OR51B5: variants seen among roughly 807,000 people sequenced by gnomAD.
The protein encoded by OR51B5 is olfactory receptor family 51 subfamily B member 5, also known as olfactory receptor 51B5.
For synonymous variants in OR51B5, 186 were observed against 144.8 expected, an observed-to-expected ratio of 1.28 and a Z score of -2.04; for missense variants, 456 against 374.6, an observed-to-expected ratio of 1.22 and a Z score of -1.79.
At chr11:5,451,545 G>T (rs1436609029) in intron 1 of OR51B5, among the ~76,000 whole-genome samples, 1 of 152,188 alleles carries the variant, frequency 6.6e-6, no homozygotes, top group Non-Finnish European at 1.5e-5. Context: ...GTACAACACG[G>T]AGGGACAGCC....
intron 1 of OR51B5, among the ~76,000 whole-genome samples, chr11:5,396,072 T>C (rs1270298605): frequency 1.3e-5 from 2 of 152,148 alleles, no homozygotes; most frequent in Non-Finnish European, 2.9e-5. Flanking sequence ...TGAAGAGCTA[T>C]TGAAGTTATG....
At chr11:5,496,551 C>T (rs61892116) in intron 1 of OR51B5, among the ~76,000 whole-genome samples, 15,644 of 152,180 alleles carry the variant, frequency 0.1, 846 homozygotes, top group Middle Eastern at 0.16. Flanking sequence ...AATCCCCTTC[C>T]TAAAGTCTAG....
chr11:5,440,831 C>T (rs377131100), intron 1 of OR51B5: 3 of 1,613,634 alleles, frequency 1.9e-6, no homozygotes, highest in South Asian at 2.2e-5. Flanking sequence ...ATATGATGAC[C>T]AGCATGGCTC....
chr11:5,414,301 A>G (rs1285303852), intron 1 of OR51B5, among the ~76,000 whole-genome samples: 1 of 149,508 alleles, frequency 6.7e-6, no homozygotes, highest in Non-Finnish European at 1.5e-5. Context: ...ATGGAAAGGA[A>G]CAACCGGTAC....
chr11:5,375,962 T>C (rs1371796491), intron 1 of OR51B5, among the ~76,000 whole-genome samples: 2 of 152,124 alleles, frequency 1.3e-5, no homozygotes, highest in Non-Finnish European at 2.9e-5. Context: ...CAAGCAGACC[T>C]AATAGACATC....
chr11:5,480,602 G>A (rs1851403096), intron 1 of OR51B5, among the ~76,000 whole-genome samples: 1 of 151,930 alleles, frequency 6.6e-6, no homozygotes, highest in Non-Finnish European at 1.5e-5. Flanking sequence ...AAAATTGATA[G>A]ACCGCTAGCA....
At chr11:5,376,055 C>T (rs1345367301) in intron 1 of OR51B5, among the ~76,000 whole-genome samples, 2 of 152,026 alleles carry the variant, frequency 1.3e-5, no homozygotes, top group East Asian at 1.9e-4. Flanking sequence ...TGACCACATA[C>T]TTGGAAGTAA....
intron 1 of OR51B5, among the ~76,000 whole-genome samples, chr11:5,357,387 A>G (rs1235561582): frequency 6.6e-6 from 1 of 151,140 alleles, no homozygotes; most frequent in Non-Finnish European, 1.5e-5. Context: ...GAAGGCCATT[A>G]CATAATGGTA....
At chr11:5,496,652 G>C (rs1227044963) in intron 1 of OR51B5, among the ~76,000 whole-genome samples, 3 of 152,298 alleles carry the variant, frequency 2.0e-5, no homozygotes, top group African/African-American at 7.2e-5. Context: ...TTGGCCATGT[G>C]ACTTGGCTGT....
chr11:5,486,005 CAG>C (rs1851492629), intron 1 of OR51B5, among the ~76,000 whole-genome samples: 1 of 151,918 alleles, frequency 6.6e-6, no homozygotes, highest in African/African-American at 2.4e-5. Context: ...AGGGCACAGG[CAG>C]AGAGGGAAGA....
chr11:5,494,973 A>C (rs1009655804), intron 1 of OR51B5, among the ~76,000 whole-genome samples: 2 of 152,210 alleles, frequency 1.3e-5, no homozygotes, highest in Admixed American at 1.3e-4. Flanking sequence ...TGGAGAAAGT[A>C]TGGTATCCAG....
chr11:5,387,147 T>C (rs1010075525), intron 1 of OR51B5, among the ~76,000 whole-genome samples: 1 of 152,010 alleles, frequency 6.6e-6, no homozygotes, highest in Non-Finnish European at 1.5e-5. Flanking sequence ...AACATAAATA[T>C]TTGAGCAATG....
chr11:5,343,047 G>T, exon 1 of OR51B5: 1 of 1,613,442 alleles, frequency 6.2e-7, no homozygotes, highest in Non-Finnish European at 8.5e-7. Flanking sequence ...AAATAGAGGG[G>T]CCTGATTGGG....
At chr11:5,413,879 A>G in intron 1 of OR51B5, among the ~76,000 whole-genome samples, 1 of 151,342 alleles carries the variant, frequency 6.6e-6, no homozygotes, top group Non-Finnish European at 1.5e-5. Context: ...ATCCAGGAGA[A>G]CTTCCCCAAT....
At chr11:5,460,440 T>G (rs1359813557) in intron 1 of OR51B5, among the ~76,000 whole-genome samples, 1 of 150,004 alleles carries the variant, frequency 6.7e-6, no homozygotes, top group African/African-American at 2.5e-5. Flanking sequence ...TTCTAGAAGT[T>G]CAGTTTGGTT....
At position 5,379,927 on chromosome 11, in the gene OR51B5, T is replaced by C. The variant is rs138569800; in HGVS notation, n.85-33017A>G. 2.5e-4 allele frequency among the ~76,000 whole-genome samples: 38 copies of C among 151,886 alleles called. 1 individual carries two copies. In the East Asian group the frequency reaches 7.2e-3, roughly 29 times the overall value. ...GTTTGGAACCAGCATGAGACCTTTA[T>C]CAGATGCAACCGCCCGATCTTGGAC... On this transcript the variant is annotated intron_variant and non_coding_transcript_variant, in intron 1 of 4. Transcript: ENST00000415970.
At chr11:5,381,270 G>A (rs116943508) in intron 1 of OR51B5, among the ~76,000 whole-genome samples, 4,621 of 152,150 alleles carry the variant, frequency 0.03, 99 homozygotes, top group Middle Eastern at 0.051. Flanking sequence ...TTTAGTAATG[G>A]ATTTAGATTC....
intron 1 of OR51B5, among the ~76,000 whole-genome samples, chr11:5,373,693 C>A (rs569760633): frequency 5.3e-5 from 8 of 152,136 alleles, no homozygotes; most frequent in Non-Finnish European, 1.0e-4. Context: ...CACATGGCTC[C>A]GAGGGTCCTA....
chr11:5,468,470 G>A (rs982567337), intron 1 of OR51B5: 1 of 342,348 alleles, frequency 2.9e-6, no homozygotes, highest in South Asian at 2.2e-5. Context: ...AGCCTTTCCA[G>A]GACAGTTTTC....
Sources: allele counts gnomAD v4.1 joint callset (sites outside exome capture counted in the v4.1 genomes callset), GRCh38; gene constraint gnomAD v4.1.1; transcripts MANE v1.5; gene names NCBI Gene and HGNC (gene_info 2026-07-23, HGNC 2026-07-21).